The following HCRTR2 variants were observed in gnomAD, a reference collection of about 807,000 sequenced individuals.
HCRTR2 encodes orexin receptor type 2.
A neutral mutation model predicts 49.0 loss-of-function variants in HCRTR2; 22 were observed. The observed-to-expected ratio is 0.45, with a 90% CI of 0.32 to 0.64. The LOEUF is 0.64. Ranked by LOEUF, HCRTR2 falls within the 30% of genes least tolerant of loss-of-function variation. The pLI, the probability that HCRTR2 is intolerant of heterozygous loss-of-function variation, is 0.04. For synonymous variants in HCRTR2, 236 were observed against 205.3 expected (o/e 1.15, Z -1.28); for missense variants, 491 against 559.4 (o/e 0.88, Z 1.23).
intron 1 of HCRTR2, chr6:55,240,858 C>T (rs1581850347): frequency 7.2e-6 from 2 of 276,068 alleles, no homozygotes; most frequent in Non-Finnish European, 7.2e-6. Context: ...TATTCAGTTG[C>T]GTTTTTTTCT....
At chr6:55,228,442 A>G (rs569554310) in intron 1 of HCRTR2, among the ~76,000 whole-genome samples, 1 of 152,328 alleles carries the variant, frequency 6.6e-6, no homozygotes, top group African/African-American at 2.4e-5. Flanking sequence ...TGACATGTAT[A>G]TCAAAATGTA....
chr6:55,167,007 G>A (rs918881257), intron 1 of HCRTR2, among the ~76,000 whole-genome samples: 1 of 152,078 alleles, frequency 6.6e-6, no homozygotes, highest in African/African-American at 2.4e-5. Context: ...AGAAACTTGA[G>A]TGTTTGCCAG....
chr6:55,186,536 C>A (rs1450457433), intron 1 of HCRTR2, among the ~76,000 whole-genome samples: 1 of 152,130 alleles, frequency 6.6e-6, no homozygotes, highest in African/African-American at 2.4e-5. Flanking sequence ...ATGAAATTTA[C>A]AAATTTGGTA....
intron 4 of HCRTR2, among the ~76,000 whole-genome samples, chr6:55,271,389 A>C (rs1766969911): frequency 6.6e-6 from 1 of 152,152 alleles, no homozygotes; most frequent in African/African-American, 2.4e-5. Context: ...TTCAAAACTT[A>C]ACTCAAAATG....
chr6:55,147,483 C>CAGTA (rs1433899213), intron 1 of HCRTR2, among the ~76,000 whole-genome samples: 2 of 152,082 alleles, frequency 1.3e-5, no homozygotes, highest in Non-Finnish European at 2.9e-5. Context: ...CTCACACCAA[C>CAGTA]CTTATGAAAT....
At chr6:55,200,278 T>TG (rs1562004628) in intron 1 of HCRTR2, among the ~76,000 whole-genome samples, 49 of 143,044 alleles carry the variant, frequency 3.4e-4, no homozygotes, top group East Asian at 2.0e-3. Flanking sequence ...TGTGTGTGTG[T>TG]TTTTGAAACG....
chr6:55,239,132 T>C (rs1015323622), intron 1 of HCRTR2, among the ~76,000 whole-genome samples: 1 of 152,184 alleles, frequency 6.6e-6, no homozygotes, highest in Non-Finnish European at 1.5e-5. Flanking sequence ...CAAATTTTCC[T>C]GGAGTGAAAC....
chr6:55,158,876 A>G (rs1764766137), intron 1 of HCRTR2, among the ~76,000 whole-genome samples: 1 of 152,214 alleles, frequency 6.6e-6, no homozygotes. Flanking sequence ...CTGTGGGTGC[A>G]GCTTCAGCAG....
chr6:55,256,741 T>G (rs1766660640), intron 3 of HCRTR2, among the ~76,000 whole-genome samples: 2 of 152,210 alleles, frequency 1.3e-5, no homozygotes, highest in Admixed American at 6.5e-5. Context: ...GGAATATTTA[T>G]GAAGTGTCTT....
intron 1 of HCRTR2, among the ~76,000 whole-genome samples, chr6:55,124,351 T>G (rs1764244425): frequency 1.3e-5 from 2 of 152,314 alleles, no homozygotes; most frequent in East Asian, 1.9e-4. Flanking sequence ...CAACTTTATT[T>G]CTGCCTTCAC....
intron 1 of HCRTR2, among the ~76,000 whole-genome samples, chr6:55,125,224 T>A (rs562180711): frequency 1.3e-3 from 200 of 152,356 alleles, no homozygotes; most frequent in Middle Eastern, 3.4e-3. Context: ...TCTTTACAAT[T>A]TGGTATGTTT....
At chr6:55,206,035 G>A (rs917749108) in intron 1 of HCRTR2, among the ~76,000 whole-genome samples, 1 of 151,892 alleles carries the variant, frequency 6.6e-6, no homozygotes, top group Non-Finnish European at 1.5e-5. Flanking sequence ...GTTAAATAAT[G>A]TTTACTGACT....
intron 3 of HCRTR2, 151 bp downstream of exon 3, chr6:55,255,530 A>C: frequency 2.4e-6 from 2 of 838,366 alleles, no homozygotes; most frequent in Non-Finnish European, 2.0e-6. Context: ...CTTGAATTTC[A>C]AAACAATTTC....
rs549979986 is a variant in HCRTR2, at chr6:55,130,574, G to A, written c.-378+24029G>A. ...AAGGCTGAAGCCAAAATGATACTTT[G>A]AAAGTTAAAATCTGATGGTATCAAT... is the stretch of plus-strand genomic sequence containing the variant. On this transcript the variant is annotated intron_variant, in intron 1 of 7. Transcript: ENST00000615358. 6.4e-4 allele frequency among the ~76,000 whole-genome samples: 97 copies of A among 151,756 alleles called. 2 individuals are homozygous for A. Among genetic ancestry groups the A allele is most frequent in the African/African-American group, 2.3e-3 (95 of 41,482 alleles).
chr6:55,274,240 TATATATATATATATATA>T (rs1236915461), intron 4 of HCRTR2, among the ~76,000 whole-genome samples: 1 of 42,926 alleles, frequency 2.3e-5, no homozygotes. Flanking sequence ...TCATTTTCAG[TATATATATATATATATA>T]ATGAAATATA....
intron 1 of HCRTR2, among the ~76,000 whole-genome samples, chr6:55,163,264 A>C (rs1184687217): frequency 7.3e-6 from 1 of 136,860 alleles, no homozygotes; most frequent in Admixed American, 7.3e-5. Context: ...ACAACAAAAA[A>C]AAAAAAACTA....
At chr6:55,224,465 CA>C (rs916450207) in intron 1 of HCRTR2, among the ~76,000 whole-genome samples, 2 of 149,662 alleles carry the variant, frequency 1.3e-5, no homozygotes, top group South Asian at 2.1e-4. Context: ...AAAAAAAATA[CA>C]AAAAAAATTA....
chr6:55,263,850 A>G, intron 4 of HCRTR2, 28 bp downstream of exon 4: 2 of 1,256,748 alleles, frequency 1.6e-6, no homozygotes, highest in Non-Finnish European at 2.3e-6. Flanking sequence ...TTTTGCGTGC[A>G]TTATTCCTCC....
rs568481093 is a variant in HCRTR2 at position 55,199,266 on chromosome 6, G to GT, written c.223+24467dup. 2.5e-3 allele frequency among the ~76,000 whole-genome samples: 346 copies of GT among 140,608 alleles called. 2 individuals carry two copies. The highest frequency in any genetic ancestry group is 6.6e-3 in the South Asian group (29 of 4,412). 92.2% of individuals were successfully genotyped at this position (140,608 alleles called of 152,430 possible). On this transcript the variant is annotated intron_variant, in intron 1 of 6. Coordinates refer to ENST00000370862, the MANE Select transcript of HCRTR2 (RefSeq NM_001384272.1). The stretch of plus-strand genomic sequence containing the variant: ...ATTTTGTGGTTTTGACCAGTTTTTT[G>GT]TTTTTTTTTTTAATGCAGCATGTCA...
Sources: allele counts gnomAD v4.1 joint callset (sites outside exome capture counted in the v4.1 genomes callset), GRCh38; gene constraint gnomAD v4.1.1; transcripts MANE v1.5; gene names NCBI Gene and HGNC (gene_info 2026-07-23, HGNC 2026-07-21).